Variants in IL16 observed in about 807,000 individuals in gnomAD.
The protein encoded by IL16 is pro-interleukin-16.
IL16 carries 67 observed loss-of-function variants against 110.1 expected under a neutral mutation model. That is an observed-to-expected ratio of 0.61 (90% CI 0.50 to 0.75). IL16 has a LOEUF of 0.75. Ranked by LOEUF, IL16 falls within the 30% of genes least tolerant of loss-of-function variation. The pLI, the probability that IL16 is intolerant of heterozygous loss-of-function variation, is 0.00. For synonymous variants in IL16, 689 were observed against 662.9 expected (o/e 1.04, Z -0.61); for missense variants, 1,545 against 1,655.0 (o/e 0.93, Z 1.15).
intron 1 of IL16, among the ~76,000 whole-genome samples, chr15:81,197,521 G>A (rs1895639991): frequency 1.3e-5 from 2 of 152,134 alleles, no homozygotes; most frequent in South Asian, 4.1e-4. Context: ...CAGCAGGAGA[G>A]AGAAAGGCCA....
At chr15:81,259,695 G>C (rs1002892978) in intron 2 of IL16, 77 bp from the exon 3 acceptor site, 1 of 857,032 alleles carries the variant, frequency 1.2e-6, no homozygotes, top group Admixed American at 1.8e-5. Flanking sequence ...TCTATGGTCA[G>C]TGTCAAAATC....
chr15:81,272,954 G>GTT, intron 5 of IL16, 136 bp from the exon 6 acceptor site: 1 of 570,952 alleles, frequency 1.8e-6, no homozygotes, highest in Non-Finnish European at 3.3e-6. Flanking sequence ...TAACCTCTGA[G>GTT]ACCTCTGAGA....
intron 9 of IL16, among the ~76,000 whole-genome samples, 168 bp downstream of exon 9, chr15:81,282,924 G>T (rs1035977117): frequency 1.3e-5 from 2 of 152,208 alleles, no homozygotes; most frequent in African/African-American, 4.8e-5. Context: ...ACTGGCTGGG[G>T]AGGGGCAGGC....
At chr15:81,263,129 A>G (rs929353732) in intron 3 of IL16, among the ~76,000 whole-genome samples, 1 of 152,180 alleles carries the variant, frequency 6.6e-6, no homozygotes, top group East Asian at 1.9e-4. Flanking sequence ...TAATTACCCA[A>G]TTAAGTTTAA....
chr15:81,274,899 G>C (rs1441766667), intron 6 of IL16, among the ~76,000 whole-genome samples: 1 of 152,076 alleles, frequency 6.6e-6, no homozygotes, highest in East Asian at 1.9e-4. Flanking sequence ...GGGACCTGCT[G>C]TGACCAGGGT....
At chr15:81,308,454 C>A (rs986213849) in intron 18 of IL16, 151 bp from the exon 19 acceptor site, 1 of 588,776 alleles carries the variant, frequency 1.7e-6, no homozygotes, top group Non-Finnish European at 3.0e-6. Flanking sequence ...TTAAGAGATG[C>A]CTCATTTTAG....
chr15:81,213,668 AT>A (rs1490365464), intron 1 of IL16, among the ~76,000 whole-genome samples: 6 of 151,926 alleles, frequency 3.9e-5, no homozygotes, highest in African/African-American at 1.5e-4. Flanking sequence ...TTTAACTTTT[AT>A]TGGTTTAAAG....
chr15:81,290,370 C>T, intron 10 of IL16, 83 bp from the exon 11 acceptor site: 2 of 860,620 alleles, frequency 2.3e-6, no homozygotes, highest in Non-Finnish European at 3.6e-6. Context: ...ATCCAGTGGC[C>T]CAGCTTTGGA....
chr15:81,300,417 G>C lies in IL16; in HGVS notation c.3091G>C (p.Asp1031His), dbSNP rs1448670857. Residue 1031 changes from aspartate (D) to histidine (H), a missense_variant, in exon 14 of 19, where the codon GAC becomes CAC. Asp to His is a moderately conservative substitution (Grantham distance 81). Transcript: ENST00000683961. ...GASPTSSSNE[D>H]SAANGSAETS... The stretch of plus-strand genomic sequence containing the variant: ...ATCTCCAACATCATCATCCAACGAA[G>C]ACTCAGCTGCAAATGGTTCTGCTGA... The C allele has an allele frequency of 1.9e-6, 3 of 1,614,172 alleles. No individual in the cohort carries two copies. Among genetic ancestry groups the C allele is most frequent in the Non-Finnish European group, 2.5e-6 (3 of 1,180,026 alleles).
intron 4 of IL16, among the ~76,000 whole-genome samples, 188 bp from the exon 5 acceptor site, chr15:81,269,350 C>T (rs141377929): frequency 2.0e-3 from 301 of 152,338 alleles, no homozygotes; most frequent in Non-Finnish European, 3.6e-3. Context: ...CTCCTAGAAC[C>T]AAGGAAGTCC....
intron 2 of IL16, among the ~76,000 whole-genome samples, chr15:81,226,958 A>G (rs913921744): frequency 5.9e-5 from 9 of 152,240 alleles, no homozygotes; most frequent in African/African-American, 2.2e-4. Context: ...AGAATGGATT[A>G]TTCACATGCT....
chr15:81,285,394 T>C (rs1250542880), intron 9 of IL16, among the ~76,000 whole-genome samples: 1 of 152,186 alleles, frequency 6.6e-6, no homozygotes. Context: ...ACACCCTCAG[T>C]CTTTAATGGG....
rs17875558 is a variant in IL16, at chr15:81,311,058, C to T, written c.*2260C>T. The T allele has an allele frequency of 0.095, 14,416 of 151,670 alleles. 708 individuals are homozygous for T. The highest frequency in any genetic ancestry group is 0.19 in the Middle Eastern group (55 of 296). 9.4% of individuals were successfully genotyped at this position (151,670 alleles called of 1,614,324 possible). Reference sequence around the variant, plus strand: ...CTGGGGAAGTCCTCTGGGTAGGAATCAGCAAGAAGATCCTAAAACAAAAGC... The same window carrying T: ...CTGGGGAAGTCCTCTGGGTAGGAATTAGCAAGAAGATCCTAAAACAAAAGC... On this transcript the variant is annotated 3_prime_UTR_variant, in exon 19 of 19. Coordinates refer to ENST00000683961, the MANE Select transcript of IL16 (RefSeq NM_172217.5).
upstream of IL16, among the ~76,000 whole-genome samples, chr15:81,195,566 C>A (rs545563692): frequency 6.6e-6 from 1 of 152,298 alleles, no homozygotes; most frequent in South Asian, 2.1e-4. Context: ...TCCCTCCTCC[C>A]GTGCTTCCCT....
At chr15:81,243,264 C>G (rs1313900349) in intron 2 of IL16, among the ~76,000 whole-genome samples, 1 of 141,004 alleles carries the variant, frequency 7.1e-6, no homozygotes, top group Non-Finnish European at 1.5e-5. Flanking sequence ...CAGTCTTCAC[C>G]TCTCAGGCTC....
At chr15:81,196,792 C>A, upstream of IL16, 5 of 1,071,082 alleles carry the variant, frequency 4.7e-6, no homozygotes, top group Non-Finnish European at 5.8e-6. Context: ...GCACTGGCAG[C>A]CCCCCTTTTT....
intron 1 of IL16, among the ~76,000 whole-genome samples, chr15:81,215,455 G>A (rs1413832827): frequency 4.6e-5 from 7 of 152,186 alleles, no homozygotes; most frequent in African/African-American, 1.7e-4. Flanking sequence ...ATGGCCAATA[G>A]CTAGGCTGAT....
intron 1 of IL16, chr15:81,182,939 G>T: frequency 1.6e-6 from 2 of 1,248,080 alleles, no homozygotes; most frequent in South Asian, 2.5e-5. Flanking sequence ...CTCAGGGGAG[G>T]TTGGAATGGA....
intron 2 of IL16, among the ~76,000 whole-genome samples, chr15:81,246,680 A>C (rs886068186): frequency 1.3e-5 from 2 of 151,710 alleles, no homozygotes; most frequent in African/African-American, 4.8e-5. Context: ...TTTACTTGCC[A>C]GGTAACTAAG....
Sources: gnomAD v4.1 joint callset for allele counts (sites outside exome capture counted in the v4.1 genomes callset) on GRCh38, gnomAD v4.1.1 for gene constraint, MANE v1.5 for transcripts, NCBI Gene and HGNC (gene_info 2026-07-23, HGNC 2026-07-21) for gene names.